The following C6orf89 variants were observed in gnomAD, a reference collection of about 807,000 sequenced individuals.
C6orf89 encodes bombesin receptor-activated protein C6orf89.
C6orf89 carries 29 observed loss-of-function variants against 40.7 expected under a neutral mutation model. The ratio of observed to expected loss-of-function variants is 0.71; its 90% confidence interval spans 0.53 to 0.97. C6orf89 has a LOEUF of 0.97. C6orf89 is among the 50% of genes least tolerant of loss of function. The pLI is 0.00. For missense variants in C6orf89, 392 were observed against 429.1 expected (o/e 0.91, Z 0.76); for synonymous variants, 165 against 152.2 (o/e 1.08, Z -0.62).
chr6:36,886,045 C>G lies in C6orf89; in HGVS notation c.-120+17C>G. The G allele has an allele frequency of 8.0e-7, 1 of 1,247,580 alleles. No homozygotes were observed. Among genetic ancestry groups the G allele is most frequent in the Non-Finnish European group, 1.0e-6 (1 of 994,158 alleles). The allele number at this position is 1,247,580 out of a possible 1,614,324, so 77.3% of individuals were successfully genotyped here. A position where few individuals can be genotyped will look rare whatever the true frequency, so the allele number is the denominator to read the frequency against. Reference sequence around the variant, plus strand: ...GCCCCGCATGTGAGTGACTGGGGCCCGAGGCTGGGTGGGGGGAGGCCGCCC... The same window carrying G: ...GCCCCGCATGTGAGTGACTGGGGCCGGAGGCTGGGTGGGGGGAGGCCGCCC... On this transcript the variant is annotated intron_variant, in intron 1 of 8. Coordinates refer to ENST00000480824, the MANE Select transcript of C6orf89 (RefSeq NM_001286635.2).
At chr6:36,901,326 T>TACTA (rs1429510488) in intron 3 of C6orf89, among the ~76,000 whole-genome samples, 2 of 41,060 alleles carry the variant, frequency 4.9e-5, no homozygotes, top group African/African-American at 2.5e-4. Context: ...TTATTATTTT[T>TACTA]TTTTTTTTTT....
At chr6:36,902,097 G>A (rs1428698866) in intron 3 of C6orf89, 124 bp from the exon 4 acceptor site, 14 of 772,758 alleles carry the variant, frequency 1.8e-5, no homozygotes, top group Non-Finnish European at 2.7e-5. Flanking sequence ...GCTTGTTTAT[G>A]AAAATGGATT....
intron 3 of C6orf89, among the ~76,000 whole-genome samples, chr6:36,901,780 C>T (rs1761729885): frequency 1.3e-5 from 2 of 152,174 alleles, no homozygotes; most frequent in African/African-American, 2.4e-5. Flanking sequence ...CCGCCATTCT[C>T]CGGCCTCAGC....
At chr6:36,916,319 T>C in intron 6 of C6orf89, 126 bp from the exon 7 acceptor site, 1 of 999,200 alleles carries the variant, frequency 1.0e-6, no homozygotes, top group Non-Finnish European at 1.5e-6. Context: ...GTACTTAAGA[T>C]ACTGTACTCA....
chr6:36,920,532 C>A (rs549069409), intron 8 of C6orf89, among the ~76,000 whole-genome samples: 82 of 152,242 alleles, frequency 5.4e-4, no homozygotes, highest in African/African-American at 1.9e-3. Context: ...TCAGAAGACC[C>A]CCAAGCCCCT....
rs905825103 is a variant in C6orf89 at position 36,927,191 on chromosome 6, C to G, written c.*3750C>G. On this transcript the variant is annotated 3_prime_UTR_variant, in exon 9 of 9. Transcript: ENST00000480824. ...GTGGGTCCCCTTGGAGTTTACATCA[C>G]TTGTTTTTCAATTCTTGGTTTTCTG... The G allele has an allele frequency of 1.3e-5, 2 of 152,230 alleles. No individual in the cohort carries two copies. Among genetic ancestry groups the G allele is most frequent in the African/African-American group, 4.8e-5 (2 of 41,456 alleles). The allele number at this position is 152,230 out of a possible 1,614,324, so 9.4% of individuals were successfully genotyped here. A position where few individuals can be genotyped will look rare whatever the true frequency, so the allele number is the denominator to read the frequency against.
intron 7 of C6orf89, among the ~76,000 whole-genome samples, chr6:36,918,787 T>C (rs1477570799): frequency 1.3e-5 from 2 of 152,300 alleles, no homozygotes; most frequent in Admixed American, 6.5e-5. Context: ...CTTGCCCTGG[T>C]CCCAGCCCCA....
At chr6:36,876,731 AAAAAAAAAAAG>A (rs201855515) in intron 1 of C6orf89, among the ~76,000 whole-genome samples, 15,998 of 143,720 alleles carry the variant, frequency 0.11, 930 homozygotes, top group South Asian at 0.13. Context: ...TCTCAAAAAA[AAAAAAAAAAAG>A]AAGAAGAAGA....
intron 4 of C6orf89, among the ~76,000 whole-genome samples, chr6:36,906,425 A>G (rs1196100959): frequency 1.3e-5 from 2 of 152,226 alleles, no homozygotes; most frequent in African/African-American, 2.4e-5. Flanking sequence ...TTTTATGTTC[A>G]TTTCAAAGAT....
chr6:36,907,833 A>G (rs1258684633), intron 4 of C6orf89, among the ~76,000 whole-genome samples: 1 of 152,230 alleles, frequency 6.6e-6, no homozygotes, highest in Non-Finnish European at 1.5e-5. Context: ...GAGATGCAGC[A>G]TATTAGGTAG....
At chr6:36,907,103 C>T (rs1256357300) in intron 4 of C6orf89, among the ~76,000 whole-genome samples, 1 of 152,128 alleles carries the variant, frequency 6.6e-6, no homozygotes, top group Non-Finnish European at 1.5e-5. Flanking sequence ...TTCATTCACT[C>T]ATTCAGTAAA....
chr6:36,923,528 T>G lies in C6orf89; in HGVS notation c.*87T>G. 1 of 1,038,618 alleles carries G rather than the reference T, an allele frequency of 9.6e-7. No homozygotes were observed. The highest frequency in any genetic ancestry group is 1.5e-6 in the Non-Finnish European group (1 of 676,104). The allele number at this position is 1,038,618 out of a possible 1,614,324, so 64.3% of individuals were successfully genotyped here. On this transcript the variant is annotated 3_prime_UTR_variant, in exon 9 of 9. Coordinates refer to ENST00000480824, the MANE Select transcript of C6orf89 (RefSeq NM_001286635.2). ...TAAAAACAAAAACGATGAAACTGCT[T>G]TCTGGGGGTTGGTTACTTAGTTACC...
intron 2 of C6orf89, among the ~76,000 whole-genome samples, chr6:36,896,360 G>A (rs1269733515): frequency 2.0e-5 from 3 of 152,128 alleles, no homozygotes; most frequent in Non-Finnish European, 4.4e-5. Flanking sequence ...TGCCACCTTG[G>A]CCTTCCAAAG....
At chr6:36,885,780 G>T, upstream of C6orf89, 1 of 382,006 alleles carries the variant, frequency 2.6e-6, no homozygotes, top group East Asian at 3.7e-5. Flanking sequence ...GAAGAAGGAC[G>T]CCAGGGGGAG....
In C6orf89 at chr6:36,886,015, C is replaced by A; in HGVS notation, c.-133C>A. 8.0e-7 allele frequency: 1 copy of A among 1,244,266 alleles called. No individual in the cohort carries two copies. Among genetic ancestry groups the A allele is most frequent in the Non-Finnish European group, 1.0e-6 (1 of 993,142 alleles). The allele number at this position is 1,244,266 out of a possible 1,614,324, so 77.1% of individuals were successfully genotyped here. A position where few individuals can be genotyped will look rare whatever the true frequency, so the allele number is the denominator to read the frequency against. The stretch of plus-strand genomic sequence containing the variant: ...CCCGAGGCGGGAGGAGCCCGAGGGG[C>A]GCGAGCCCCGCATGTGAGTGACTGG... On this transcript the variant is annotated 5_prime_UTR_variant, in exon 1 of 9. Transcript: ENST00000480824.
chr6:36,874,880 C>T lies in C6orf89; in HGVS notation c.-628+2913C>T, dbSNP rs954303445. 1.1e-5 allele frequency: 14 copies of T among 1,300,406 alleles called. No individual in the cohort carries two copies. In the African/African-American group the frequency reaches 1.5e-4, roughly 14 times the overall value. The allele number at this position is 1,300,406 out of a possible 1,614,324, so 80.6% of individuals were successfully genotyped here. ...TCCGGTCCGTTCAACCCTTTCGATA[C>T]CAGGATTTGGGTGGCCAAGACAAGG... On this transcript the variant is annotated intron_variant, in intron 1 of 9. Coordinates refer to the C6orf89 transcript ENST00000359359.
intron 5 of C6orf89, 23 bp downstream of exon 5, chr6:36,914,458 C>T (rs553898880): frequency 1.4e-5 from 23 of 1,613,558 alleles, no homozygotes; most frequent in African/African-American, 9.3e-5. Flanking sequence ...CTGAGTCTCC[C>T]GCTGATTGGC....
chr6:36,920,978 T>TA (rs34178132), intron 8 of C6orf89, among the ~76,000 whole-genome samples: 88 of 145,968 alleles, frequency 6.0e-4, no homozygotes, highest in African/African-American at 1.3e-3. Context: ...AGGGAAAAAT[T>TA]AAAAAAAAAA....
chr6:36,882,730 TTTTC>T (rs1561854609), upstream of C6orf89, among the ~76,000 whole-genome samples: 6,514 of 68,366 alleles, frequency 0.095, 230 homozygotes, highest in Middle Eastern at 0.17. Flanking sequence ...TTTTTTTCTT[TTTTC>T]TTTTTTTTTT....
Sources: gnomAD v4.1 joint callset for allele counts (sites outside exome capture counted in the v4.1 genomes callset) on GRCh38, gnomAD v4.1.1 for gene constraint, MANE v1.5 for transcripts, NCBI Gene and HGNC (gene_info 2026-07-23, HGNC 2026-07-21) for gene names.